The following PCDHGB2 variants were observed in gnomAD, a reference collection of about 807,000 sequenced individuals.
PCDHGB2 encodes the protein protocadherin gamma-B2.
Under a neutral mutation model 59.3 loss-of-function variants are expected in PCDHGB2, and 55 were observed. That is an observed-to-expected ratio of 0.93 (90% CI 0.75 to 1.16). The LOEUF is 1.16. Ranked by LOEUF, PCDHGB2 falls within the 50% of genes most tolerant of loss-of-function variation. The pLI, the probability that PCDHGB2 is intolerant of heterozygous loss-of-function variation, is 0.00. For missense variants in PCDHGB2, 1,228 were observed against 1,198.5 expected, an observed-to-expected ratio of 1.02 and a Z score of -0.36; for synonymous variants, 516 against 512.0, an observed-to-expected ratio of 1.01 and a Z score of -0.11.
chr5:141,399,682 G>C, intron 1 of PCDHGB2: 2 of 1,613,512 alleles, frequency 1.2e-6, no homozygotes, highest in Non-Finnish European at 1.7e-6. Context: ...CTTTGACTAC[G>C]AGCAGCTGCG....
chr5:141,385,576 A>G, intron 1 of PCDHGB2: 1 of 1,288,582 alleles, frequency 7.8e-7, no homozygotes, highest in Non-Finnish European at 9.8e-7. Context: ...CTACTTTCCA[A>G]TCTATGTTCC....
intron 1 of PCDHGB2, chr5:141,409,901 C>G: frequency 6.2e-7 from 1 of 1,613,264 alleles, no homozygotes; most frequent in Non-Finnish European, 8.5e-7. Context: ...GTACCCAGCT[C>G]TGGGTCCTGA....
Position 141,477,265 on chromosome 5 carries a change from G to T in PCDHGB2, c.2422-17542G>T. On this transcript the variant is annotated intron_variant, in intron 1 of 3. Coordinates refer to ENST00000522605, the MANE Select transcript of PCDHGB2 (RefSeq NM_018923.3). The surrounding 1 kb of genome is among the most constrained non-coding windows in gnomAD (Gnocchi z 4.9). ...GTGTGACTGACCTGGATGCTGGCGA[G>T]AACGGGCTGGTGACCTGCGAAGTTC... 6.2e-7 allele frequency: 1 copy of T among 1,614,198 alleles called. No individual in the cohort carries two copies. Among genetic ancestry groups the T allele is most frequent in the Non-Finnish European group, 8.5e-7 (1 of 1,180,044 alleles).
chr5:141,387,742 C>T, intron 1 of PCDHGB2: 5 of 1,340,938 alleles, frequency 3.7e-6, no homozygotes, highest in Non-Finnish European at 5.0e-6. Context: ...CTTTACACCG[C>T]TTCCTCCTCG....
chr5:141,389,750 C>A (rs751642051), intron 1 of PCDHGB2: 4 of 1,612,642 alleles, frequency 2.5e-6, no homozygotes, highest in African/African-American at 2.7e-5. Context: ...TGCGCACGGG[C>A]GAAGTGCGCA....
chr5:141,401,922 A>C (rs899426870), intron 1 of PCDHGB2, among the ~76,000 whole-genome samples: 10 of 152,194 alleles, frequency 6.6e-5, no homozygotes, highest in Non-Finnish European at 1.3e-4. Flanking sequence ...AGTTTAAGTG[A>C]TGCTTAGAAT....
Position 141,454,796 on chromosome 5 carries a change from A to ATTTTTTTTTTTTT in PCDHGB2, c.2422-39994_2422-39982dup, listed in dbSNP as rs61612330. On this transcript the variant is annotated intron_variant, in intron 1 of 3. Coordinates refer to ENST00000522605, the MANE Select transcript of PCDHGB2 (RefSeq NM_018923.3). ...AAGGAAATAATCCTCCATGGTTCTAATTTTTTTTTTTTTTTTTTTTTTTTT... is the reference window on the plus strand; with the variant it reads ...AAGGAAATAATCCTCCATGGTTCTAATTTTTTTTTTTTTTTTTTTTTTTTTTTTTTTTTTTTTT... Among the ~76,000 whole-genome samples the ATTTTTTTTTTTTT allele has an allele frequency of 1.7e-3, 135 of 77,462 alleles. 8 individuals carry two copies. The highest frequency in any genetic ancestry group is 2.5e-3 in the Admixed American group (14 of 5,554). The allele number at this position is 77,462 out of a possible 152,430, so 50.8% of individuals were successfully genotyped here.
intron 1 of PCDHGB2, chr5:141,366,482 C>A: frequency 6.2e-7 from 1 of 1,614,242 alleles, no homozygotes; most frequent in Non-Finnish European, 8.5e-7. Flanking sequence ...CAGACTGAGG[C>A]GCTGGCACAA....
In PCDHGB2 at chr5:141,476,628, C is replaced by T. The variant is rs899753438; in HGVS notation, c.2422-18179C>T. 6.2e-6 allele frequency: 10 copies of T among 1,614,160 alleles called. No individual in the cohort carries two copies. The highest frequency in any genetic ancestry group is 7.6e-6 in the Non-Finnish European group (9 of 1,180,068). On this transcript the variant is annotated intron_variant, in intron 1 of 3. Coordinates refer to ENST00000522605, the MANE Select transcript of PCDHGB2 (RefSeq NM_018923.3). The surrounding 1 kb of genome is among the most constrained non-coding windows in gnomAD (Gnocchi z 7.6). ...GATGTGGGAAGCAACTCTTTACAAACCTATGAGCTGAGCCGAAATGAATAC... is the reference window on the plus strand; with the variant it reads ...GATGTGGGAAGCAACTCTTTACAAATCTATGAGCTGAGCCGAAATGAATAC...
chr5:141,372,491 C>A (rs1413236125), intron 1 of PCDHGB2: 2 of 1,613,944 alleles, frequency 1.2e-6, no homozygotes, highest in Non-Finnish European at 1.7e-6. Flanking sequence ...TGGCCTTGAT[C>A]TCAGTGCTCT....
At chr5:141,395,102 G>A (rs766050798) in intron 1 of PCDHGB2, 2 of 1,614,172 alleles carry the variant, frequency 1.2e-6, no homozygotes, top group East Asian at 2.2e-5. Flanking sequence ...CCGCCGACTC[G>A]CGGAAGAGTC....
chr5:141,370,282 G>C (rs1485340521), intron 1 of PCDHGB2: 2 of 938,746 alleles, frequency 2.1e-6, no homozygotes, highest in East Asian at 2.6e-5. Context: ...ACACCCATTA[G>C]AGAACCCAAG....
chr5:141,465,385 C>T (rs752724696), intron 1 of PCDHGB2, among the ~76,000 whole-genome samples: 3 of 151,978 alleles, frequency 2.0e-5, no homozygotes, highest in Admixed American at 6.6e-5. Context: ...AGATTAGGAA[C>T]AAAAACAAGT....
intron 1 of PCDHGB2, among the ~76,000 whole-genome samples, chr5:141,457,289 G>A (rs907200077): frequency 2.0e-5 from 3 of 152,146 alleles, no homozygotes; most frequent in Non-Finnish European, 4.4e-5. Context: ...GAAGTTCCTT[G>A]GTTTTATTTT....
At chr5:141,421,985 C>A (rs762388624) in intron 1 of PCDHGB2, 1 of 1,608,432 alleles carries the variant, frequency 6.2e-7, no homozygotes, top group East Asian at 2.2e-5. Flanking sequence ...GTGAGTGTTC[C>A]AGAAAACATC....
chr5:141,417,414 A>G (rs1255289735), intron 1 of PCDHGB2: 1 of 157,986 alleles, frequency 6.3e-6, no homozygotes, highest in Non-Finnish European at 1.4e-5. Flanking sequence ...TTCAAGATAT[A>G]TGTAAATTCA....
At chr5:141,384,435 A>G in intron 1 of PCDHGB2, 1 of 1,614,008 alleles carries the variant, frequency 6.2e-7, no homozygotes, top group Non-Finnish European at 8.5e-7. Context: ...CTGACACTGG[A>G]GTCCTGTACG....
In PCDHGB2 at chr5:141,419,882, T is replaced by A. The variant is rs145814583; in HGVS notation, c.2421+57326T>A. ...TAGCTTGCAAGAGGTACTGCCGGAT[T>A]TCAGCGACCATCCCACACCCTCTGA... On this transcript the variant is annotated intron_variant, in intron 1 of 3. Transcript: ENST00000522605. The A allele has an allele frequency of 4.9e-3, 7,980 of 1,614,092 alleles. 44 individuals carry two copies. Among genetic ancestry groups the A allele is most frequent in the Admixed American group, 9.4e-3 (567 of 60,032 alleles).
At position 141,361,981 on chromosome 5, in the gene PCDHGB2, C is replaced by A. The variant is rs370897399; in HGVS notation, c.1846C>A (p.Leu616Ile). 1.4e-4 allele frequency: 232 copies of A among 1,601,314 alleles called. No individual in the cohort carries two copies. The highest frequency in any genetic ancestry group is 1.8e-4 in the Non-Finnish European group (214 of 1,176,400). ...YHVLQASEPG[L>I]FSLGLRTGEV... ...CGTGCTGCAGGCCAGCGAGCCCGGG[C>A]TCTTCAGCCTGGGGTTGCGCACGGG... Residue 616 changes from leucine to isoleucine, a missense_variant, in exon 1 of 4, where the codon CTC becomes ATC. Physicochemically the swap from Leu to Ile is conservative, Grantham distance 5. Coordinates refer to ENST00000522605, the MANE Select transcript of PCDHGB2 (RefSeq NM_018923.3).
Sources: gnomAD v4.1 joint callset for allele counts (sites outside exome capture counted in the v4.1 genomes callset) on GRCh38, gnomAD v4.1.1 for gene constraint, Gnocchi (gnomAD v3.1) non-coding constraint, MANE v1.5 for transcripts, NCBI Gene and HGNC (gene_info 2026-07-23, HGNC 2026-07-21) for gene names.